PGAP1: variants seen among roughly 807,000 people sequenced by gnomAD.
The protein encoded by PGAP1 is GPI inositol-deacylase.
Under a neutral mutation model 127.0 loss-of-function variants are expected in PGAP1, and 76 were observed. That is an observed-to-expected ratio of 0.60 (90% confidence interval 0.50 to 0.72). The LOEUF (loss-of-function observed/expected upper bound fraction) is 0.72. PGAP1 is among the 30% of genes least tolerant of loss of function. The probability of loss-of-function intolerance (pLI) is 0.00; values close to 1 mark genes in which losing one functional copy is unlikely to be tolerated. For missense variants in PGAP1, 982 were observed against 1,071.3 expected (o/e 0.92, Z 1.16); for synonymous variants, 362 against 366.5 (o/e 0.99, Z 0.14).
chr2:196,878,225 T>C (rs1472303795), intron 13 of PGAP1, among the ~76,000 whole-genome samples: 1 of 152,208 alleles, frequency 6.6e-6, no homozygotes, highest in Non-Finnish European at 1.5e-5. Context: ...TTTGGAATAT[T>C]TGCCTATACA....
chr2:196,875,857 A>C, intron 13 of PGAP1, 36 bp from the exon 14 acceptor site: 1 of 1,117,168 alleles, frequency 9.0e-7, no homozygotes, highest in Non-Finnish European at 1.3e-6. Flanking sequence ...AGAAAAAGTA[A>C]GTTAAATTTA....
intron 7 of PGAP1, 71 bp downstream of exon 7, chr2:196,897,060 C>T: frequency 2.4e-6 from 2 of 840,902 alleles, no homozygotes; most frequent in South Asian, 3.6e-5. Flanking sequence ...ACATTAAATC[C>T]ATCATGGCTG....
intron 20 of PGAP1, among the ~76,000 whole-genome samples, chr2:196,848,468 C>A (rs944828763): frequency 6.6e-5 from 10 of 152,094 alleles, no homozygotes; most frequent in African/African-American, 2.4e-4. Flanking sequence ...CTATTACCCC[C>A]CAAATTCCCA....
intron 12 of PGAP1, among the ~76,000 whole-genome samples, chr2:196,883,433 C>A (rs1701795012): frequency 6.6e-6 from 1 of 152,152 alleles, no homozygotes; most frequent in African/African-American, 2.4e-5. Flanking sequence ...GTGACAGACT[C>A]ATATGTTCTA....
intron 5 of PGAP1, among the ~76,000 whole-genome samples, chr2:196,900,051 A>T (rs1458814224): frequency 6.6e-6 from 1 of 152,212 alleles, no homozygotes; most frequent in African/African-American, 2.4e-5. Context: ...AACAAAACAA[A>T]ACAAAACACA....
intron 19 of PGAP1, among the ~76,000 whole-genome samples, chr2:196,865,635 T>G (rs575375060): frequency 2.0e-5 from 3 of 152,224 alleles, no homozygotes; most frequent in African/African-American, 4.8e-5. Flanking sequence ...TTAACTCATA[T>G]ATAACAAGTT....
chr2:196,906,881 C>T (rs879380811), intron 4 of PGAP1, among the ~76,000 whole-genome samples: 2,726 of 107,386 alleles, frequency 0.025, 72 homozygotes, highest in Middle Eastern at 0.048. Context: ...TGAAATGAAG[C>T]GAGAAGGGAA....
Position 196,840,543 on chromosome 2 carries a change from A to G in PGAP1, c.*691T>C, listed in dbSNP as rs981292358. On this transcript the variant is annotated 3_prime_UTR_variant, in exon 27 of 27. Coordinates refer to ENST00000354764, the MANE Select transcript of PGAP1 (RefSeq NM_024989.4). ...AATAGTCTCCTGATGTTCACCGAGAATATATAGTAAGATTCATATTTGAAA... is the reference window on the plus strand; with the variant it reads ...AATAGTCTCCTGATGTTCACCGAGAGTATATAGTAAGATTCATATTTGAAA... 6.6e-6 allele frequency: 1 copy of G among 152,172 alleles called. No individual in the cohort carries two copies. Among genetic ancestry groups the G allele is most frequent in the African/African-American group, 2.4e-5 (1 of 41,440 alleles). 9.4% of individuals were successfully genotyped at this position (152,172 alleles called of 1,614,324 possible). A position where few individuals can be genotyped will look rare whatever the true frequency, so the allele number is the denominator to read the frequency against.
At chr2:196,870,820 G>A (rs1701387464) in intron 19 of PGAP1, 121 bp downstream of exon 19, 3 of 721,726 alleles carry the variant, frequency 4.2e-6, no homozygotes, top group Non-Finnish European at 7.0e-6. Context: ...AAAAGATACT[G>A]TATGTGGTCT....
chr2:196,888,683 G>T (rs1701996596), intron 10 of PGAP1, among the ~76,000 whole-genome samples: 1 of 152,070 alleles, frequency 6.6e-6, no homozygotes. Flanking sequence ...GGAACTAAAG[G>T]CAATGTATAC....
intron 1 of PGAP1, among the ~76,000 whole-genome samples, chr2:196,923,648 T>C (rs1370702755): frequency 6.6e-6 from 1 of 151,984 alleles, no homozygotes; most frequent in Admixed American, 6.6e-5. Context: ...ATATGACTCA[T>C]ATTTTCTTTT....
At chr2:196,921,180 C>A (rs141928771) in intron 1 of PGAP1, among the ~76,000 whole-genome samples, 3 of 98,262 alleles carry the variant, frequency 3.1e-5, no homozygotes, top group Non-Finnish European at 6.8e-5. Flanking sequence ...TGAAAACCCT[C>A]GTTGTTCTAA....
At chr2:196,875,887 G>A in intron 13 of PGAP1, 66 bp from the exon 14 acceptor site, 2 of 795,286 alleles carry the variant, frequency 2.5e-6, no homozygotes, top group Non-Finnish European at 4.1e-6. Context: ...ATCTTTACTT[G>A]ATGTTTGAGT....
chr2:196,846,571 G>A (rs1461897591), intron 22 of PGAP1, among the ~76,000 whole-genome samples: 1 of 152,082 alleles, frequency 6.6e-6, no homozygotes, highest in Non-Finnish European at 1.5e-5. Flanking sequence ...CTGTGTCATT[G>A]GGCCCATAAT....
intron 5 of PGAP1, 103 bp from the exon 6 acceptor site, chr2:196,898,472 T>A: frequency 8.2e-6 from 6 of 734,362 alleles, no homozygotes; most frequent in Non-Finnish European, 1.4e-5. Context: ...TAATATAGTT[T>A]CACTATATTG....
At chr2:196,899,436 C>T (rs1345825135) in intron 5 of PGAP1, among the ~76,000 whole-genome samples, 1 of 152,142 alleles carries the variant, frequency 6.6e-6, no homozygotes, top group Non-Finnish European at 1.5e-5. Flanking sequence ...TTAGAAATTA[C>T]TGCTGATAGT....
chr2:196,889,858 CAAAAAAAA>C (rs979436427), intron 10 of PGAP1, among the ~76,000 whole-genome samples: 1 of 43,982 alleles, frequency 2.3e-5, no homozygotes, highest in Non-Finnish European at 5.0e-5. Flanking sequence ...GACTCCGTCT[CAAAAAAAA>C]AAAAAAAAAA....
chr2:196,904,980 A>G (rs995820808), intron 4 of PGAP1, among the ~76,000 whole-genome samples: 4 of 152,196 alleles, frequency 2.6e-5, no homozygotes, highest in African/African-American at 7.2e-5. Context: ...TCTGTCTCTC[A>G]AAACCTTAAA....
rs1453535040 is a variant in PGAP1 at position 196,926,553 on chromosome 2, T to C, written c.64A>G (p.Thr22Ala). The C allele has an allele frequency of 3.1e-6, 5 of 1,614,122 alleles. No individual in the cohort carries two copies. The highest frequency in any genetic ancestry group is 2.2e-5 in the South Asian group (2 of 91,068). Residue 22 changes from threonine to alanine, a missense_variant, in exon 1 of 27, where the codon ACC becomes GCC. Transcript: ENST00000354764. Reference sequence around the variant, plus strand: ...AAGAAGACATCCCACAGCCCCAGGGTTGCCAGAAAGACCATGAAGACATAA... The same window carrying C: ...AAGAAGACATCCCACAGCCCCAGGGCTGCCAGAAAGACCATGAAGACATAA... ...AFYVFMVFLA[T>A]LGLWDVFFGF...
Sources: allele counts gnomAD v4.1 joint callset (sites outside exome capture counted in the v4.1 genomes callset), GRCh38; gene constraint gnomAD v4.1.1; transcripts MANE v1.5; gene names NCBI Gene and HGNC (gene_info 2026-07-23, HGNC 2026-07-21).